SRRM4: variants seen among roughly 807,000 people sequenced by gnomAD.
SRRM4 encodes serine/arginine repetitive matrix protein 4.
Under a neutral mutation model 68.9 loss-of-function variants are expected in SRRM4, and 33 were observed. That is an observed-to-expected ratio of 0.48 (90% CI 0.36 to 0.64). The LOEUF (loss-of-function observed/expected upper bound fraction) is 0.64, where lower values mean the gene tolerates loss of function less well. SRRM4 is among the 30% of genes least tolerant of loss of function. The pLI, the probability that SRRM4 is intolerant of heterozygous loss-of-function variation, is 0.00. For missense variants in SRRM4, 817 were observed against 827.1 expected, an observed-to-expected ratio of 0.99 and a Z score of 0.15; for synonymous variants, 318 against 318.8, an observed-to-expected ratio of 1.00 and a Z score of 0.03.
At chr12:119,107,241 C>T (rs770274289) in intron 2 of SRRM4, among the ~76,000 whole-genome samples, 7 of 152,288 alleles carry the variant, frequency 4.6e-5, no homozygotes, top group Non-Finnish European at 7.4e-5. Flanking sequence ...TGAGGATTTT[C>T]GCATCAATGT....
intron 1 of SRRM4, among the ~76,000 whole-genome samples, chr12:119,050,432 C>T (rs573649846): frequency 4.6e-5 from 7 of 152,308 alleles, no homozygotes; most frequent in African/African-American, 9.6e-5. Flanking sequence ...CATAGCTAAT[C>T]GCATAAACAA....
chr12:119,154,130 C>T lies in SRRM4; in HGVS notation c.1392-113C>T, dbSNP rs1016477951. 2.0e-6 allele frequency: 2 copies of T among 1,007,510 alleles called. No homozygotes were observed. Among genetic ancestry groups the T allele is most frequent in the East Asian group, 5.3e-5 (2 of 38,026 alleles). 62.4% of individuals were successfully genotyped at this position (1,007,510 alleles called of 1,614,324 possible). A position where few individuals can be genotyped will look rare whatever the true frequency, so the allele number is the denominator to read the frequency against. ...GTCTCCCTTGCGGCAACGTGCAGAC[C>T]CCATCCCGTGACCCAGTGGGGTGGG... On this transcript the variant is annotated intron_variant, in intron 11 of 12. Coordinates refer to ENST00000267260, the MANE Select transcript of SRRM4 (RefSeq NM_194286.4). The surrounding 1 kb of genome is among the most constrained non-coding windows in gnomAD (Gnocchi z 4.7).
At chr12:119,009,142 C>T (rs561662453) in intron 1 of SRRM4, among the ~76,000 whole-genome samples, 82 of 152,274 alleles carry the variant, frequency 5.4e-4, no homozygotes, top group African/African-American at 2.0e-3. Context: ...TGCGGCCCTC[C>T]CAGGCCCGCT....
intron 8 of SRRM4, among the ~76,000 whole-genome samples, chr12:119,142,079 C>A (rs1592914921): frequency 1.3e-5 from 2 of 152,156 alleles, no homozygotes; most frequent in Admixed American, 1.3e-4. Flanking sequence ...CAAGAAAACT[C>A]GAATCTGAAT....
chr12:119,106,754 A>C (rs1327801795), intron 2 of SRRM4, among the ~76,000 whole-genome samples: 1 of 152,214 alleles, frequency 6.6e-6, no homozygotes, highest in Non-Finnish European at 1.5e-5. Context: ...GTCATCTGCA[A>C]ACAGGGACAT....
At chr12:118,994,470 A>C (rs1195229773) in intron 1 of SRRM4, among the ~76,000 whole-genome samples, 1 of 152,030 alleles carries the variant, frequency 6.6e-6, no homozygotes, top group Non-Finnish European at 1.5e-5. Context: ...CCCCTACTCT[A>C]GTTCTTAAAA....
chr12:119,156,660 G>A lies in SRRM4; in HGVS notation c.1698G>A (p.Thr566=), dbSNP rs746211078. 8 of 1,572,874 alleles carry A rather than the reference G, an allele frequency of 5.1e-6. No individual in the cohort carries two copies. The highest frequency in any genetic ancestry group is 2.4e-5 in the East Asian group (1 of 42,276). The change falls in exon 13 of 13, where the codon ACG becomes ACA. Residue 566 remains threonine (T), a synonymous_variant. Transcript: ENST00000267260. Reference sequence around the variant, plus strand: ...GCCGGAGACGGAGCCGGACCCGCACGAGCAGCAGCTCTAGCTCCCGCAGCC... The same window carrying A: ...GCCGGAGACGGAGCCGGACCCGCACAAGCAGCAGCTCTAGCTCCCGCAGCC... ...SRSRRRSRTR[T]SSSSSSRSPS...
chr12:119,027,479 T>C (rs1410669785), intron 1 of SRRM4, among the ~76,000 whole-genome samples: 2 of 152,244 alleles, frequency 1.3e-5, no homozygotes, highest in Non-Finnish European at 2.9e-5. Flanking sequence ...CTAGTAATCT[T>C]ATCTTTTAAG....
chr12:119,071,602 T>G (rs527374726), intron 1 of SRRM4, among the ~76,000 whole-genome samples: 1 of 152,322 alleles, frequency 6.6e-6, no homozygotes, highest in East Asian at 1.9e-4. Context: ...TCACCCTCCA[T>G]TAAGACACAA....
At chr12:119,068,568 AC>A (rs1953859758) in intron 1 of SRRM4, among the ~76,000 whole-genome samples, 1 of 152,038 alleles carries the variant, frequency 6.6e-6, no homozygotes, top group Non-Finnish European at 1.5e-5. Flanking sequence ...ATGTGAAATC[AC>A]CTTGAAGAGC....
At chr12:119,153,781 A>C (rs2136070001) in intron 11 of SRRM4, 132 bp downstream of exon 11, 1 of 660,894 alleles carries the variant, frequency 1.5e-6, no homozygotes, top group Non-Finnish European at 2.6e-6. Context: ...GCATTCTTAC[A>C]GTTCCCTTTG....
chr12:119,146,931 A>G (rs1475165396), intron 9 of SRRM4, among the ~76,000 whole-genome samples: 1 of 150,408 alleles, frequency 6.6e-6, no homozygotes, highest in Admixed American at 6.6e-5. Flanking sequence ...GCCAGACTCC[A>G]TCTCAAAAAA....
intron 1 of SRRM4, among the ~76,000 whole-genome samples, chr12:119,015,797 G>A (rs1953477428): frequency 6.6e-6 from 1 of 151,832 alleles, no homozygotes; most frequent in Admixed American, 6.6e-5. Flanking sequence ...ACTTCACCCT[G>A]GACTGTCCTT....
chr12:119,096,054 T>C (rs916650887), intron 1 of SRRM4, among the ~76,000 whole-genome samples: 4 of 151,460 alleles, frequency 2.6e-5, no homozygotes, highest in Non-Finnish European at 5.9e-5. Context: ...GGAGTCTTGC[T>C]CTGTGGCGCA....
chr12:119,154,507 G>A lies in SRRM4; in HGVS notation c.1532+124G>A, dbSNP rs1954460573. The A allele has an allele frequency of 1.8e-6, 2 of 1,102,850 alleles. No individual in the cohort carries two copies. Among genetic ancestry groups the A allele is most frequent in the East Asian group, 5.2e-5 (2 of 38,410 alleles). The allele number at this position is 1,102,850 out of a possible 1,614,324, so 68.3% of individuals were successfully genotyped here. ...GGGATTTAGGATTGTGCGAGCTTAT[G>A]GTCCCCCCAACCCCAACATCATTGA... On this transcript the variant is annotated intron_variant, in intron 12 of 12. Transcript: ENST00000267260. This position sits in a 1 kb window ranked among gnomAD's most constrained non-coding sequence, Gnocchi z 4.7.
At chr12:118,986,753 GTC>G (rs1953284621) in intron 1 of SRRM4, among the ~76,000 whole-genome samples, 1 of 152,040 alleles carries the variant, frequency 6.6e-6, no homozygotes, top group Non-Finnish European at 1.5e-5. Flanking sequence ...AGGCCTGTAA[GTC>G]TCCATTACCT....
chr12:119,003,171 T>A (rs1186638679), intron 1 of SRRM4, among the ~76,000 whole-genome samples: 1 of 151,738 alleles, frequency 6.6e-6, no homozygotes, highest in Non-Finnish European at 1.5e-5. Context: ...GAAGGGCATA[T>A]GGAAAGAAGG....
chr12:119,073,320 TTTTTG>T (rs1284581691), intron 1 of SRRM4, among the ~76,000 whole-genome samples: 34 of 149,350 alleles, frequency 2.3e-4, no homozygotes, highest in Non-Finnish European at 6.0e-5. Context: ...CTCTTTTTTT[TTTTTG>T]TTTGTTTGTT....
At chr12:118,997,026 C>T (rs1052761982) in intron 1 of SRRM4, among the ~76,000 whole-genome samples, 1 of 152,130 alleles carries the variant, frequency 6.6e-6, no homozygotes, top group Non-Finnish European at 1.5e-5. Context: ...TGGGCAATCG[C>T]TCAGAAGAAT....
Sources: gnomAD v4.1 joint callset for allele counts (sites outside exome capture counted in the v4.1 genomes callset) on GRCh38, gnomAD v4.1.1 for gene constraint, Gnocchi (gnomAD v3.1) non-coding constraint, MANE v1.5 for transcripts, NCBI Gene and HGNC (gene_info 2026-07-23, HGNC 2026-07-21) for gene names.